Variants in SP4 observed in about 807,000 individuals in gnomAD.
SP4 encodes Sp4 transcription factor, also known as transcription factor Sp4.
A neutral mutation model predicts 72.8 loss-of-function variants in SP4; 19 were observed. That is an observed-to-expected ratio of 0.26 (90% CI 0.18 to 0.38). The LOEUF (loss-of-function observed/expected upper bound fraction) is 0.38, where lower values mean the gene tolerates loss of function less well. Among genes scored for constraint, SP4 ranks in the 10% least tolerant of loss-of-function variants. The pLI, the probability that SP4 is intolerant of heterozygous loss-of-function variation, is 1.00. For synonymous variants in SP4, 395 were observed against 333.1 expected (o/e 1.19, Z -2.02); for missense variants, 1,008 against 926.3 (o/e 1.09, Z -1.14).
chr7:21,497,370 T>G (rs1781737128), intron 5 of SP4, among the ~76,000 whole-genome samples: 1 of 152,230 alleles, frequency 6.6e-6, no homozygotes, highest in African/African-American at 2.4e-5. Flanking sequence ...ATGAGACTAG[T>G]AAGTTAAAAT....
chr7:21,483,540 G>A (rs1784742595), intron 5 of SP4, among the ~76,000 whole-genome samples: 1 of 151,734 alleles, frequency 6.6e-6, no homozygotes. Context: ...TCTTTTTGTT[G>A]ATGGAATGAA....
chr7:21,441,208 G>A (rs1462749715), intron 3 of SP4, among the ~76,000 whole-genome samples: 1 of 152,180 alleles, frequency 6.6e-6, no homozygotes, highest in South Asian at 2.1e-4. Context: ...TTGGAAAGTG[G>A]ACATTTGAGA....
chr7:21,429,251 TCCC>T (rs55964829), intron 2 of SP4, 35 bp from the exon 3 acceptor site: 15,664 of 1,025,794 alleles, frequency 0.015, 333 homozygotes, highest in Non-Finnish European at 0.019. Flanking sequence ...CCACTTTTTT[TCCC>T]CCCCCCCTCT....
At chr7:21,493,809 GA>G (rs142192989) in intron 5 of SP4, among the ~76,000 whole-genome samples, 2,062 of 152,042 alleles carry the variant, frequency 0.014, 48 homozygotes, top group East Asian at 0.079. Flanking sequence ...AGAAAATAAG[GA>G]ACACTTCTCA....
intron 5 of SP4, among the ~76,000 whole-genome samples, chr7:21,505,475 T>A (rs986915464): frequency 6.6e-5 from 10 of 152,218 alleles, no homozygotes; most frequent in African/African-American, 2.4e-4. Context: ...TTCTAAGATT[T>A]GACCAAATAC....
In SP4 at chr7:21,514,673, T is replaced by A. The variant is rs1451896816; in HGVS notation, c.*3404T>A. 6.6e-6 allele frequency: 1 copy of A among 152,214 alleles called. No homozygotes were observed. Among genetic ancestry groups the A allele is most frequent in the Non-Finnish European group, 1.5e-5 (1 of 68,036 alleles). The allele number at this position is 152,214 out of a possible 1,614,324, so 9.4% of individuals were successfully genotyped here. ...CAGTGCTGATTTGTATAAAATTTGT[T>A]TTTTGTGGATTTGGAAATAAAATCA... On this transcript the variant is annotated 3_prime_UTR_variant, in exon 6 of 6. Coordinates refer to ENST00000222584, the MANE Select transcript of SP4 (RefSeq NM_003112.5).
chr7:21,477,409 T>C, intron 4 of SP4, 102 bp downstream of exon 4: 1 of 708,544 alleles, frequency 1.4e-6, no homozygotes. Flanking sequence ...CTTCATTACC[T>C]TTGTAGCCTA....
At chr7:21,478,692 A>C (rs1361344029) in intron 4 of SP4, among the ~76,000 whole-genome samples, 1 of 152,172 alleles carries the variant, frequency 6.6e-6, no homozygotes, top group Non-Finnish European at 1.5e-5. Context: ...TGCCCATTTT[A>C]AATTATATTA....
At chr7:21,474,218 C>G (rs750551274) in intron 3 of SP4, among the ~76,000 whole-genome samples, 1 of 152,078 alleles carries the variant, frequency 6.6e-6, no homozygotes, top group Non-Finnish European at 1.5e-5. Flanking sequence ...TCTAGCAGTT[C>G]TTTACCAAAA....
intron 3 of SP4, among the ~76,000 whole-genome samples, chr7:21,470,599 C>G (rs998370900): frequency 1.3e-5 from 2 of 151,998 alleles, no homozygotes; most frequent in Non-Finnish European, 2.9e-5. Flanking sequence ...TTTTACTACT[C>G]TACTAAGGCA....
chr7:21,431,418 T>C (rs982284309), intron 3 of SP4, among the ~76,000 whole-genome samples: 7 of 152,224 alleles, frequency 4.6e-5, no homozygotes, highest in African/African-American at 1.4e-4. Flanking sequence ...TTGGTTAACT[T>C]TTATGCCTAC....
chr7:21,488,256 C>G (rs1784875470), intron 5 of SP4, among the ~76,000 whole-genome samples: 1 of 152,102 alleles, frequency 6.6e-6, no homozygotes, highest in Non-Finnish European at 1.5e-5. Flanking sequence ...TGCTGTGCAA[C>G]CATGTTTTTT....
chr7:21,508,626 C>T (rs1156949345), intron 5 of SP4, among the ~76,000 whole-genome samples: 2 of 152,050 alleles, frequency 1.3e-5, no homozygotes, highest in East Asian at 1.9e-4. Context: ...CGCGCCCAGC[C>T]TAAATACAGT....
At chr7:21,501,723 G>A (rs116311939) in intron 5 of SP4, among the ~76,000 whole-genome samples, 3,906 of 152,204 alleles carry the variant, frequency 0.026, 130 homozygotes, top group African/African-American at 0.076. Flanking sequence ...GTTGGTCTTC[G>A]TAAAGCTTTT....
chr7:21,483,158 T>C (rs374407552), intron 5 of SP4, among the ~76,000 whole-genome samples: 1 of 152,120 alleles, frequency 6.6e-6, no homozygotes, highest in South Asian at 2.1e-4. Context: ...TTTCTTATTT[T>C]AAAAATTTGT....
At chr7:21,451,113 G>A (rs1783583431) in intron 3 of SP4, among the ~76,000 whole-genome samples, 1 of 152,204 alleles carries the variant, frequency 6.6e-6, no homozygotes, top group Non-Finnish European at 1.5e-5. Flanking sequence ...CACGTGCAGT[G>A]TGTTTGTTGA....
chr7:21,505,991 CCT>C (rs1270116744), intron 5 of SP4, among the ~76,000 whole-genome samples: 1 of 152,154 alleles, frequency 6.6e-6, no homozygotes, highest in Non-Finnish European at 1.5e-5. Flanking sequence ...CTTTCCTCCT[CCT>C]CTGTCAGGAG....
chr7:21,508,488 A>G (rs1782063782), intron 5 of SP4, among the ~76,000 whole-genome samples: 1 of 152,088 alleles, frequency 6.6e-6, no homozygotes, highest in Non-Finnish European at 1.5e-5. Context: ...CACCACGCCC[A>G]GCTACTTTTT....
chr7:21,428,198 C>CCCCCCCCCCCCA lies in SP4; in HGVS notation c.-53_-52insCCCCCCCCCCAC. ...CTCTCCTCCCGCCTCGCCCCCACCC[C>CCCCCCCCCCCCA]CACCCACCTCTATCCCAGTGTCTCC... On this transcript the variant is annotated 5_prime_UTR_variant, in exon 1 of 6. Transcript: ENST00000222584. 1 of 1,099,412 alleles carries CCCCCCCCCCCCA rather than the reference C, an allele frequency of 9.1e-7. No individual in the cohort carries two copies. 68.1% of individuals were successfully genotyped at this position (1,099,412 alleles called of 1,614,324 possible).
Sources: allele counts gnomAD v4.1 joint callset (sites outside exome capture counted in the v4.1 genomes callset), GRCh38; gene constraint gnomAD v4.1.1; transcripts MANE v1.5; gene names NCBI Gene and HGNC (gene_info 2026-07-23, HGNC 2026-07-21).